FUT8: variants seen among roughly 807,000 people sequenced by gnomAD.
The protein encoded by FUT8 is alpha-(1,6)-fucosyltransferase.
FUT8 carries 29 observed loss-of-function variants against 71.3 expected under a neutral mutation model. The ratio of observed to expected loss-of-function variants is 0.41; its 90% CI spans 0.30 to 0.55. The LOEUF (loss-of-function observed/expected upper bound fraction) is 0.55, where lower values mean the gene tolerates loss of function less well. Ranked by LOEUF, FUT8 falls within the 20% of genes least tolerant of loss-of-function variation. The probability of loss-of-function intolerance (pLI) is 0.34; values close to 1 mark genes in which losing one functional copy is unlikely to be tolerated. For synonymous variants in FUT8, 254 were observed against 239.3 expected (o/e 1.06, Z -0.57); for missense variants, 544 against 702.1 (o/e 0.77, Z 2.55).
chr14:65,475,723 AG>A (rs2066228089), intron 2 of FUT8, among the ~76,000 whole-genome samples: 1 of 152,006 alleles, frequency 6.6e-6, no homozygotes, highest in African/African-American at 2.4e-5. Context: ...TATAGAGCTC[AG>A]GCTCTATATG....
intron 7 of FUT8, among the ~76,000 whole-genome samples, chr14:65,680,772 C>T (rs1221152819): frequency 2.0e-5 from 3 of 152,176 alleles, no homozygotes; most frequent in Non-Finnish European, 4.4e-5. Context: ...ACAGTGCCAT[C>T]AGAATGATAT....
chr14:65,481,095 C>T (rs1033771348), intron 2 of FUT8, among the ~76,000 whole-genome samples: 7 of 152,132 alleles, frequency 4.6e-5, no homozygotes, highest in African/African-American at 7.2e-5. Flanking sequence ...AATTTCAGCA[C>T]ATTCTTACCA....
chr14:65,537,434 A>G (rs1321619715), intron 2 of FUT8, among the ~76,000 whole-genome samples: 1 of 151,892 alleles, frequency 6.6e-6, no homozygotes, highest in Admixed American at 6.6e-5. Flanking sequence ...GTTGCCCAGG[A>G]TGGAGTGCAG....
chr14:65,639,407 T>C (rs1328573708), intron 6 of FUT8, among the ~76,000 whole-genome samples: 2 of 152,088 alleles, frequency 1.3e-5, no homozygotes, highest in African/African-American at 2.4e-5. Flanking sequence ...ATTAGGTACA[T>C]TGCTGGTGAT....
chr14:65,377,482 G>T, the FUT8 span, among the ~76,000 whole-genome samples: 1 of 152,170 alleles, frequency 6.6e-6, no homozygotes, highest in Non-Finnish European at 1.5e-5. Context: ...TTAAAATCAG[G>T]TTTATGTAAT....
intron 2 of FUT8, among the ~76,000 whole-genome samples, chr14:65,542,870 C>T (rs894640958): frequency 6.6e-6 from 1 of 152,128 alleles, no homozygotes; most frequent in Non-Finnish European, 1.5e-5. Flanking sequence ...GCAACCTCCG[C>T]TTCCTGGGTT....
the FUT8 span, among the ~76,000 whole-genome samples, chr14:65,379,809 G>T: frequency 1.3e-5 from 2 of 152,202 alleles, no homozygotes; most frequent in Non-Finnish European, 2.9e-5. Context: ...CAAGATCAAG[G>T]TTCTGGCATT....
intron 1 of FUT8, among the ~76,000 whole-genome samples, chr14:65,437,259 G>C (rs1168614760): frequency 6.6e-6 from 1 of 152,122 alleles, no homozygotes; most frequent in Non-Finnish European, 1.5e-5. Flanking sequence ...TAGGGTATCA[G>C]CAAAGCAGAA....
chr14:65,519,619 A>C (rs908560743), intron 2 of FUT8, among the ~76,000 whole-genome samples: 29 of 152,184 alleles, frequency 1.9e-4, no homozygotes, highest in African/African-American at 6.3e-4. Flanking sequence ...TAAACTTAAT[A>C]TTCTATCTAT....
the FUT8 span, among the ~76,000 whole-genome samples, chr14:65,381,749 C>T: frequency 2.6e-5 from 4 of 152,150 alleles, no homozygotes; most frequent in African/African-American, 9.7e-5. Flanking sequence ...GCTCCAGGGC[C>T]ATGTTCTTCC....
At position 65,722,592 on chromosome 14, in the gene FUT8, G is replaced by A. The variant is rs565137733; in HGVS notation, c.1082+571G>A. 6.6e-5 allele frequency among the ~76,000 whole-genome samples: 10 copies of A among 152,238 alleles called. No individual in the cohort carries two copies. The East Asian group carries it at 1.5e-3, about 23-fold the overall frequency. ...ACATGTGAAGTCAGAATATCAAATCGTATTTCTTCTCATGTAACTTTTGAT... is the reference window on the plus strand; with the variant it reads ...ACATGTGAAGTCAGAATATCAAATCATATTTCTTCTCATGTAACTTTTGAT... On this transcript the variant is annotated intron_variant, in intron 8 of 10. Coordinates refer to ENST00000673929, the MANE Select transcript of FUT8 (RefSeq NM_001371533.1).
chr14:65,474,256 A>G lies in FUT8; in HGVS notation c.-228+18538A>G, dbSNP rs372741544. On this transcript the variant is annotated intron_variant, in intron 2 of 10. Coordinates refer to ENST00000673929, the MANE Select transcript of FUT8 (RefSeq NM_001371533.1). ...GACTTCACCACTATACATTTCATCCATGTAACCCAAAACCACTTGTACTCC... is the reference window on the plus strand; with the variant it reads ...GACTTCACCACTATACATTTCATCCGTGTAACCCAAAACCACTTGTACTCC... Among the ~76,000 whole-genome samples the G allele has an allele frequency of 1.3e-4, 19 of 151,934 alleles. 3 individuals are homozygous for G. The highest frequency in any genetic ancestry group is 4.3e-4 in the African/African-American group (18 of 41,418).
intron 6 of FUT8, among the ~76,000 whole-genome samples, chr14:65,631,371 T>TC (rs944581336): frequency 3.3e-5 from 5 of 152,264 alleles, no homozygotes; most frequent in Middle Eastern, 6.8e-3. Flanking sequence ...TGTTTTAGTT[T>TC]CCTTTTTTTT....
intron 2 of FUT8, among the ~76,000 whole-genome samples, chr14:65,532,606 G>A (rs1012518905): frequency 6.6e-6 from 1 of 152,074 alleles, no homozygotes; most frequent in Non-Finnish European, 1.5e-5. Flanking sequence ...TTTCTCTGTC[G>A]ATAGTTTCTT....
rs1194164485 is a variant in FUT8, at chr14:65,437,543, C to T, written c.-325-18078C>T. The stretch of plus-strand genomic sequence containing the variant: ...TGTGTTAAAGAAAGACTTTGAAATA[C>T]GTCACCTAATGTTTAGGGTCGTAGA... On this transcript the variant is annotated intron_variant, in intron 1 of 10. Transcript: ENST00000673929. Among the ~76,000 whole-genome samples the T allele has an allele frequency of 2.0e-5, 3 of 152,290 alleles. 1 individual carries two copies. The highest frequency in any genetic ancestry group is 3.9e-4 in the East Asian group (2 of 5,188).
chr14:65,590,109 A>AT (rs962996614), intron 3 of FUT8, among the ~76,000 whole-genome samples: 5 of 151,946 alleles, frequency 3.3e-5, no homozygotes, highest in South Asian at 2.1e-4. Flanking sequence ...ATTTCCTAGC[A>AT]TTTTTTTTGT....
rs2065920424 is a variant in FUT8, at chr14:65,458,157, G to T, written c.-228+2439G>T. On this transcript the variant is annotated intron_variant, in intron 2 of 10. Coordinates refer to ENST00000673929, the MANE Select transcript of FUT8 (RefSeq NM_001371533.1). ...AGATCCTGCCACTGCACTCCAGCCT[G>T]GGCGACAGAGCGAGACTCCGTCTCA... The T allele has an allele frequency of 2.7e-5, 4 of 149,720 alleles. No homozygotes were observed. The South Asian group carries it at 8.6e-4, about 32-fold the overall frequency. 9.3% of individuals were successfully genotyped at this position (149,720 alleles called of 1,614,324 possible). A position where few individuals can be genotyped will look rare whatever the true frequency, so the allele number is the denominator to read the frequency against.
intron 2 of FUT8, among the ~76,000 whole-genome samples, chr14:65,505,198 AT>A (rs933525504): frequency 1.3e-5 from 2 of 150,590 alleles, no homozygotes; most frequent in African/African-American, 2.5e-5. Flanking sequence ...ATTAGTCTTA[AT>A]TTTTTTCCTG....
At chr14:65,642,410 C>T (rs1890882229) in intron 6 of FUT8, among the ~76,000 whole-genome samples, 1 of 152,002 alleles carries the variant, frequency 6.6e-6, no homozygotes, top group South Asian at 2.1e-4. Context: ...TGAGACCAGC[C>T]TGGCCAACAT....
Sources: allele counts gnomAD v4.1 joint callset (sites outside exome capture counted in the v4.1 genomes callset), GRCh38; gene constraint gnomAD v4.1.1; transcripts MANE v1.5; gene names NCBI Gene and HGNC (gene_info 2026-07-23, HGNC 2026-07-21).